Variants in KANK1 observed in about 807,000 individuals in gnomAD.
KANK1 encodes the protein KN motif and ankyrin repeat domain-containing protein 1.
In KANK1, 109 loss-of-function variants were observed where a neutral mutation model predicts 106.2. That is an observed-to-expected ratio of 1.03 (90% CI 0.88 to 1.20). The LOEUF (loss-of-function observed/expected upper bound fraction) is 1.20, where lower values mean the gene tolerates loss of function less well. KANK1 is among the 50% of genes most tolerant of loss of function. The pLI is 0.00. For missense variants in KANK1, 2,399 were observed against 1,710.7 expected (o/e 1.40, Z -7.10); for synonymous variants, 873 against 652.2 (o/e 1.34, Z -5.16).
chr9:548,617 A>G (rs1011338117), intron 1 of KANK1, among the ~76,000 whole-genome samples: 4 of 152,196 alleles, frequency 2.6e-5, no homozygotes, highest in African/African-American at 9.7e-5. Flanking sequence ...TTTATAAACA[A>G]ACACCCCTAC....
intron 1 of KANK1, among the ~76,000 whole-genome samples, chr9:654,694 A>C (rs985388630): frequency 6.6e-6 from 1 of 152,100 alleles, no homozygotes; most frequent in Non-Finnish European, 1.5e-5. Flanking sequence ...TTTTTGTTTC[A>C]GGTACCAATA....
At chr9:497,389 C>CT (rs2058472772) in intron 3 of KANK1, among the ~76,000 whole-genome samples, 2 of 151,900 alleles carry the variant, frequency 1.3e-5, no homozygotes, top group Admixed American at 6.6e-5. Context: ...CACCTTTTCT[C>CT]TGAGGGAGAC....
At chr9:472,800 C>T (rs776818457) in intron 2 of KANK1, among the ~76,000 whole-genome samples, 12 of 152,254 alleles carry the variant, frequency 7.9e-5, no homozygotes, top group East Asian at 1.9e-4. Flanking sequence ...AGGCTTGATC[C>T]GAGCTGGTGC....
chr9:677,106 C>A, intron 2 of KANK1, 97 bp downstream of exon 2: 1 of 1,100,918 alleles, frequency 9.1e-7, no homozygotes. Context: ...AGCAAGTTGC[C>A]TAGATAACTA....
At chr9:574,115 C>T (rs977295252) in intron 1 of KANK1, among the ~76,000 whole-genome samples, 1 of 152,234 alleles carries the variant, frequency 6.6e-6, no homozygotes, top group African/African-American at 2.4e-5. Flanking sequence ...GCATCACTAA[C>T]ATCATGTGGC....
rs571784619 is a variant in KANK1, at chr9:620,326, C to T, written c.-83-56564C>T. 4.6e-5 allele frequency among the ~76,000 whole-genome samples: 7 copies of T among 152,218 alleles called. No individual in the cohort carries two copies. In the South Asian group the frequency reaches 1.5e-3, roughly 32 times the overall value. ...CATTAACTCTTCAACGATCTGCCCC[C>T]TAAATAAAACCTGCTTTCTTGGGCC... On this transcript the variant is annotated intron_variant, in intron 1 of 11. Transcript: ENST00000382297.
chr9:561,435 C>A (rs1215821259), intron 1 of KANK1, among the ~76,000 whole-genome samples: 1 of 152,154 alleles, frequency 6.6e-6, no homozygotes, highest in Non-Finnish European at 1.5e-5. Context: ...CTGACAGTTA[C>A]TTTGGTCATT....
At chr9:547,954 G>GT (rs1266363895) in intron 1 of KANK1, among the ~76,000 whole-genome samples, 1 of 151,878 alleles carries the variant, frequency 6.6e-6, no homozygotes, top group South Asian at 2.1e-4. Flanking sequence ...TTTTTTTTAT[G>GT]TTTTTTTTCT....
Position 745,207 on chromosome 9 carries a change from G to A in KANK1, c.4031G>A (p.Gly1344Asp), listed in dbSNP as rs758472320. The A allele has an allele frequency of 1.8e-5, 29 of 1,613,874 alleles. No homozygotes were observed. The highest frequency in any genetic ancestry group is 2.1e-5 in the Non-Finnish European group (25 of 1,179,976). Residue 1344 changes from glycine (G) to aspartate (D), a missense_variant, in exon 12 of 12, where the codon GGC becomes GAC. By Grantham distance (94) the Gly-to-Asp change is moderately conservative. Coordinates refer to ENST00000382297, the MANE Select transcript of KANK1 (RefSeq NM_015158.5). ...TPRLGRKTSP[G>D]PTHRGSFD ...AGGCTTGGAAGGAAGACGTCTCCTG[G>A]CCCCACCCACCGAGGTTCATTTGAT...
chr9:558,648 G>A (rs1815528513), intron 1 of KANK1, among the ~76,000 whole-genome samples: 1 of 151,610 alleles, frequency 6.6e-6, no homozygotes, highest in Non-Finnish European at 1.5e-5. Flanking sequence ...TGATGTTTGG[G>A]GCTCATTTTA....
chr9:567,683 C>A (rs187868138), intron 1 of KANK1, among the ~76,000 whole-genome samples: 11 of 152,320 alleles, frequency 7.2e-5, no homozygotes, highest in Admixed American at 7.2e-4. Flanking sequence ...ACCAAGTCAT[C>A]CATGAGAATG....
chr9:655,922 T>C, intron 1 of KANK1, among the ~76,000 whole-genome samples: 1 of 152,208 alleles, frequency 6.6e-6, no homozygotes. Flanking sequence ...TTCCCCTTTG[T>C]AACTGAGTCC....
chr9:730,830 T>C (rs1246314538), intron 4 of KANK1: 1 of 195,808 alleles, frequency 5.1e-6, no homozygotes, highest in Non-Finnish European at 1.0e-5. Context: ...TAATAATCCC[T>C]GTTTAGTACG....
At chr9:523,930 A>T (rs888246904) in intron 1 of KANK1, among the ~76,000 whole-genome samples, 2 of 151,572 alleles carry the variant, frequency 1.3e-5, no homozygotes, top group South Asian at 2.1e-4. Flanking sequence ...CAGGGCAGGA[A>T]CCTTTAGCTG....
chr9:524,274 C>T (rs767032463), intron 1 of KANK1, among the ~76,000 whole-genome samples: 6 of 151,418 alleles, frequency 4.0e-5, no homozygotes, highest in Non-Finnish European at 8.8e-5. Flanking sequence ...CCAGCCTTTA[C>T]TTGATTAAGT....
intron 1 of KANK1, among the ~76,000 whole-genome samples, chr9:616,839 C>T (rs1389785728): frequency 1.3e-5 from 2 of 152,172 alleles, no homozygotes; most frequent in Non-Finnish European, 2.9e-5. Flanking sequence ...GGCAAAGTTC[C>T]ACACTAGCCC....
At chr9:693,898 T>G in intron 2 of KANK1, 1 of 850,852 alleles carries the variant, frequency 1.2e-6, no homozygotes, top group Non-Finnish European at 1.4e-6. Flanking sequence ...TTGCTTTTAC[T>G]TCAAGCTAGA....
upstream of KANK1, among the ~76,000 whole-genome samples, chr9:503,846 G>A (rs2058615118): frequency 1.3e-5 from 2 of 152,292 alleles, no homozygotes; most frequent in South Asian, 2.1e-4. Context: ...GAGTATTTGG[G>A]ACTGAACTAG....
At chr9:563,705 G>C (rs1249471907) in intron 1 of KANK1, among the ~76,000 whole-genome samples, 1 of 152,096 alleles carries the variant, frequency 6.6e-6, no homozygotes, top group Non-Finnish European at 1.5e-5. Context: ...TGCTTTCCTA[G>C]GGAGAGGTTT....
Sources: gnomAD v4.1 joint callset for allele counts (sites outside exome capture counted in the v4.1 genomes callset) on GRCh38, gnomAD v4.1.1 for gene constraint, MANE v1.5 for transcripts, NCBI Gene and HGNC (gene_info 2026-07-23, HGNC 2026-07-21) for gene names.